TTC17: variants seen among roughly 807,000 people sequenced by gnomAD.
TTC17 encodes tetratricopeptide repeat domain 17.
Under a neutral mutation model 143.8 loss-of-function variants are expected in TTC17, and 58 were observed. The ratio of observed to expected loss-of-function variants is 0.40; its 90% CI spans 0.33 to 0.50. The LOEUF is 0.50. TTC17 is among the 20% of genes least tolerant of loss of function. The pLI, the probability that TTC17 is intolerant of heterozygous loss-of-function variation, is 0.49. For missense variants in TTC17, 1,273 were observed against 1,392.5 expected, an observed-to-expected ratio of 0.91 and a Z score of 1.37; for synonymous variants, 501 against 497.8, an observed-to-expected ratio of 1.01 and a Z score of -0.09.
At chr11:43,484,966 C>A (rs975109971) in intron 21 of TTC17, among the ~76,000 whole-genome samples, 2 of 151,868 alleles carry the variant, frequency 1.3e-5, no homozygotes, top group African/African-American at 2.4e-5. Flanking sequence ...AATCTAATGC[C>A]TGATGATCTG....
chr11:43,419,429 T>C (rs1485694104), intron 16 of TTC17, among the ~76,000 whole-genome samples: 1 of 152,236 alleles, frequency 6.6e-6, no homozygotes, highest in African/African-American at 2.4e-5. Flanking sequence ...CTTGTTTCAT[T>C]GCCTGTAGTT....
intron 1 of TTC17, among the ~76,000 whole-genome samples, chr11:43,366,360 G>A: frequency 6.6e-6 from 1 of 151,870 alleles, no homozygotes; most frequent in Non-Finnish European, 1.5e-5. Context: ...CAAAAAATTA[G>A]CCGGGCATGG....
intron 18 of TTC17, chr11:43,445,837 C>T (rs886296804): frequency 4.3e-6 from 3 of 703,428 alleles, no homozygotes; most frequent in African/African-American, 3.5e-5. Flanking sequence ...GTTTGTGAGC[C>T]CATGGGGGAA....
chr11:43,374,262 C>G (rs1359134045), intron 1 of TTC17, among the ~76,000 whole-genome samples: 1 of 152,084 alleles, frequency 6.6e-6, no homozygotes, highest in Non-Finnish European at 1.5e-5. Context: ...TTACCATATA[C>G]AGAAATTAAC....
chr11:43,396,098 C>A, intron 5 of TTC17: 1 of 152,024 alleles, frequency 6.6e-6, no homozygotes, highest in Non-Finnish European at 1.5e-5. Context: ...TAATAATATT[C>A]AGTAAGTATT....
At chr11:43,401,584 C>A in intron 10 of TTC17, 26 bp downstream of exon 10, 1 of 1,473,764 alleles carries the variant, frequency 6.8e-7, no homozygotes, top group Non-Finnish European at 9.3e-7. Context: ...CAGTCTAATT[C>A]TTATAAACGT....
chr11:43,367,498 C>T (rs1476390520), intron 1 of TTC17, among the ~76,000 whole-genome samples: 2 of 152,152 alleles, frequency 1.3e-5, no homozygotes, highest in Non-Finnish European at 2.9e-5. Context: ...TTAGAACCAG[C>T]TGTGGGGTTC....
intron 5 of TTC17, among the ~76,000 whole-genome samples, chr11:43,392,154 A>G (rs1718069447): frequency 6.6e-6 from 1 of 152,206 alleles, no homozygotes; most frequent in Non-Finnish European, 1.5e-5. Context: ...CCAGGAAGAG[A>G]TGCTGGAAAG....
chr11:43,391,901 A>T lies in TTC17; in HGVS notation c.612A>T (p.Leu204Phe), dbSNP rs1156542840. ...DPIFTYLSKR[L>F]GRSIDDIGHL... Reference sequence around the variant, plus strand: ...TCTTCACATATTTATCTAAACGGTTAGGAAGGAGTATAGATGACATAGGTC... The same window carrying T: ...TCTTCACATATTTATCTAAACGGTTTGGAAGGAGTATAGATGACATAGGTC... The change falls in exon 5 of 24, where the codon TTA (leucine) becomes TTT (phenylalanine). Residue 204 changes from leucine to phenylalanine, a missense_variant. Around this residue, in one of 3 missense-constraint regions of TTC17, gnomAD observed 325 missense variants for 444.2 expected, o/e 0.73. Coordinates refer to ENST00000039989, the MANE Select transcript of TTC17 (RefSeq NM_018259.6). 4 of 1,613,634 alleles carry T rather than the reference A, an allele frequency of 2.5e-6. No individual in the cohort carries two copies. In the Admixed American group the frequency reaches 6.7e-5, roughly 27 times the overall value.
chr11:43,432,661 T>G (rs1009464802), intron 16 of TTC17, among the ~76,000 whole-genome samples: 1 of 152,234 alleles, frequency 6.6e-6, no homozygotes, highest in African/African-American at 2.4e-5. Flanking sequence ...GCATAGAAGA[T>G]GACTTGCTAC....
At chr11:43,427,006 G>A (rs1282542601) in intron 16 of TTC17, among the ~76,000 whole-genome samples, 1 of 152,144 alleles carries the variant, frequency 6.6e-6, no homozygotes, top group Non-Finnish European at 1.5e-5. Context: ...CCAGTGGTAA[G>A]TTTAAATATC....
At chr11:43,477,710 G>A (rs950369707) in intron 21 of TTC17, among the ~76,000 whole-genome samples, 1 of 152,128 alleles carries the variant, frequency 6.6e-6, no homozygotes, top group African/African-American at 2.4e-5. Context: ...AATACAATTC[G>A]AGATGTGGGT....
chr11:43,396,774 T>C lies in TTC17; in HGVS notation c.729T>C (p.Tyr243=). Residue 243 remains tyrosine, a synonymous_variant, in exon 6 of 24, where the codon TAT becomes TAC. Coordinates refer to ENST00000039989, the MANE Select transcript of TTC17 (RefSeq NM_018259.6). ...ACTGGAGAATTAAGAATGAGCCATA[T>C]CAGGTAGTAGAATGTGCCATGCGAG... ...SFYWRIKNEP[Y]QVVECAMRAL... The C allele has an allele frequency of 6.2e-7, 1 of 1,611,484 alleles. No homozygotes were observed. Among genetic ancestry groups the C allele is most frequent in the South Asian group, 1.1e-5 (1 of 90,876 alleles).
In TTC17 at chr11:43,476,675, C is replaced by T. The variant is rs1948189364; in HGVS notation, c.3031-13564C>T. Among the ~76,000 whole-genome samples, 3 of 152,196 alleles carry T rather than the reference C, an allele frequency of 2.0e-5. No individual in the cohort carries two copies. The South Asian group carries it at 6.2e-4, about 31-fold the overall frequency. ...TCAGCCATGGCTGGAGCAGCTGGGA[C>T]GGAAGGCACCAAGTCTCTAGGCTGC... On this transcript the variant is annotated intron_variant, in intron 21 of 23. Coordinates refer to ENST00000039989, the MANE Select transcript of TTC17 (RefSeq NM_018259.6).
intron 16 of TTC17, among the ~76,000 whole-genome samples, chr11:43,429,672 T>G (rs1396446954): frequency 1.3e-5 from 2 of 152,136 alleles, no homozygotes; most frequent in Non-Finnish European, 2.9e-5. Context: ...AGTCACCATG[T>G]GTTTCTGAGC....
rs368934799 is a variant in TTC17, at chr11:43,397,901, CGTGTGTGTGTGTGT to C, written c.919-36_919-23del. On this transcript the variant is annotated intron_variant, in intron 7 of 23. Coordinates refer to ENST00000039989, the MANE Select transcript of TTC17 (RefSeq NM_018259.6). The stretch of plus-strand genomic sequence containing the variant: ...AGGCCGTGGCTAACATTTTTTTTTC[CGTGTGTGTGTGTGT>C]GTGTGTGTGTGTGTGTGTGTGTGTG... 5.4e-3 allele frequency: 6,729 copies of C among 1,253,252 alleles called. 112 individuals carry two copies. The African/African-American group carries it at 0.06, about 11-fold the overall frequency. The allele number at this position is 1,253,252 out of a possible 1,614,324, so 77.6% of individuals were successfully genotyped here. A position where few individuals can be genotyped will look rare whatever the true frequency, so the allele number is the denominator to read the frequency against.
At chr11:43,454,094 A>G (rs1200182746) in intron 21 of TTC17, among the ~76,000 whole-genome samples, 2 of 152,202 alleles carry the variant, frequency 1.3e-5, no homozygotes, top group Non-Finnish European at 2.9e-5. Context: ...TAGGTATAGT[A>G]CAATTATCAA....
At chr11:43,406,560 AACC>A (rs990639892) in intron 13 of TTC17, among the ~76,000 whole-genome samples, 2 of 150,004 alleles carry the variant, frequency 1.3e-5, no homozygotes, top group African/African-American at 2.4e-5. Flanking sequence ...AGACCATCAC[AACC>A]ACCTTTTTTT....
At chr11:43,439,089 C>G (rs1314673820) in intron 16 of TTC17, among the ~76,000 whole-genome samples, 1 of 152,198 alleles carries the variant, frequency 6.6e-6, no homozygotes, top group African/African-American at 2.4e-5. Flanking sequence ...ACCTTCCTTT[C>G]CTATGTCTTT....
Sources: gnomAD v4.1 joint callset for allele counts (sites outside exome capture counted in the v4.1 genomes callset) on GRCh38, gnomAD v4.1.1 for gene constraint, gnomAD v4.1.1 regional missense constraint, MANE v1.5 for transcripts, NCBI Gene and HGNC (gene_info 2026-07-23, HGNC 2026-07-21) for gene names.